The following PLD1 variants were observed in gnomAD, a reference collection of about 807,000 sequenced individuals.
PLD1 encodes the protein choline phosphatase 1.
Under a neutral mutation model 137.1 loss-of-function variants are expected in PLD1, and 112 were observed. That is an observed-to-expected ratio of 0.82 (90% CI 0.70 to 0.96). The LOEUF (loss-of-function observed/expected upper bound fraction) is 0.96. Ranked by LOEUF, PLD1 falls within the 40% of genes least tolerant of loss-of-function variation. PLD1 has a pLI of 0.00. For missense variants in PLD1, 1,321 were observed against 1,342.0 expected (o/e 0.98, Z 0.24); for synonymous variants, 431 against 454.7 (o/e 0.95, Z 0.66).
At chr3:171,697,304 G>C (rs578034020) in intron 12 of PLD1, among the ~76,000 whole-genome samples, 3 of 145,748 alleles carry the variant, frequency 2.1e-5, no homozygotes, top group Non-Finnish European at 4.5e-5. Flanking sequence ...GAGTGCAGTG[G>C]CACAATCTCG....
At chr3:171,707,803 G>A (rs975166120) in intron 11 of PLD1, among the ~76,000 whole-genome samples, 3 of 152,152 alleles carry the variant, frequency 2.0e-5, no homozygotes, top group African/African-American at 7.2e-5. Context: ...GAATTATCTA[G>A]CCCCAAATGT....
intron 1 of PLD1, among the ~76,000 whole-genome samples, chr3:171,799,573 G>A (rs998429679): frequency 1.3e-5 from 2 of 152,000 alleles, no homozygotes; most frequent in African/African-American, 4.8e-5. Flanking sequence ...CCCCTCTCTA[G>A]GAGGTACAGC....
intron 1 of PLD1, among the ~76,000 whole-genome samples, chr3:171,755,404 T>G (rs890446943): frequency 2.6e-5 from 4 of 152,086 alleles, no homozygotes; most frequent in Non-Finnish European, 5.9e-5. Context: ...CACTTAATCT[T>G]TCTGTTGCAC....
intron 8 of PLD1, among the ~76,000 whole-genome samples, chr3:171,717,432 A>T (rs1717763666): frequency 6.6e-6 from 1 of 152,158 alleles, no homozygotes; most frequent in Non-Finnish European, 1.5e-5. Flanking sequence ...CTCCCTAGTC[A>T]GCTGAATTCC....
chr3:171,611,264 G>A (rs1227758583), intron 25 of PLD1, among the ~76,000 whole-genome samples: 1 of 152,216 alleles, frequency 6.6e-6, no homozygotes, highest in Admixed American at 6.5e-5. Flanking sequence ...TAGTCAGGGT[G>A]TTCCACAGCC....
chr3:171,622,260 C>T (rs1363149634), intron 23 of PLD1, among the ~76,000 whole-genome samples: 1 of 152,100 alleles, frequency 6.6e-6, no homozygotes, highest in Non-Finnish European at 1.5e-5. Context: ...GCACAAAGAC[C>T]ACCTCTATGG....
intron 5 of PLD1, among the ~76,000 whole-genome samples, 162 bp downstream of exon 5, chr3:171,734,703 G>A (rs917658876): frequency 2.0e-5 from 3 of 152,196 alleles, no homozygotes; most frequent in African/African-American, 7.2e-5. Context: ...CTTGGGGAAA[G>A]AAGGGACTGC....
chr3:171,789,795 T>C (rs1386158383), intron 1 of PLD1: 2 of 152,356 alleles, frequency 1.3e-5, no homozygotes, highest in African/African-American at 4.8e-5. Flanking sequence ...CATCACTCAC[T>C]TGCTGCCAGA....
At chr3:171,657,609 T>G (rs1358018232) in intron 21 of PLD1, among the ~76,000 whole-genome samples, 1 of 152,144 alleles carries the variant, frequency 6.6e-6, no homozygotes. Context: ...AATAAAAAGT[T>G]GGGCCCCTAA....
intron 1 of PLD1, among the ~76,000 whole-genome samples, chr3:171,800,278 G>A (rs185657508): frequency 3.3e-5 from 5 of 151,928 alleles, no homozygotes; most frequent in African/African-American, 9.7e-5. Context: ...GCGTGATCTC[G>A]GCTCACTGCA....
chr3:171,728,592 C>T (rs796629178), intron 6 of PLD1, among the ~76,000 whole-genome samples: 9 of 152,262 alleles, frequency 5.9e-5, no homozygotes, highest in African/African-American at 2.2e-4. Context: ...AGAGGCATAA[C>T]TAACTTATGC....
chr3:171,791,346 G>A (rs933394308), intron 1 of PLD1, among the ~76,000 whole-genome samples: 4 of 152,056 alleles, frequency 2.6e-5, no homozygotes, highest in African/African-American at 7.2e-5. Context: ...TTTTTTTGCC[G>A]AATGCAAACC....
intron 1 of PLD1, among the ~76,000 whole-genome samples, chr3:171,776,250 G>C (rs1027757945): frequency 6.6e-6 from 1 of 152,178 alleles, no homozygotes; most frequent in African/African-American, 2.4e-5. Context: ...TGGAGCTGTA[G>C]TCATGGGCAC....
chr3:171,745,689 G>A (rs1319535778), intron 1 of PLD1, among the ~76,000 whole-genome samples: 1 of 152,182 alleles, frequency 6.6e-6, no homozygotes, highest in African/African-American at 2.4e-5. Flanking sequence ...AGGAGTACAG[G>A]GAAGCAAGTC....
chr3:171,757,056 A>C (rs1261242099), intron 1 of PLD1, among the ~76,000 whole-genome samples: 5 of 152,212 alleles, frequency 3.3e-5, no homozygotes, highest in African/African-American at 4.8e-5. Context: ...GGCAAAAACC[A>C]TTTTTACATT....
At chr3:171,797,959 C>T (rs2108356476) in intron 1 of PLD1, among the ~76,000 whole-genome samples, 1 of 152,168 alleles carries the variant, frequency 6.6e-6, no homozygotes, top group East Asian at 1.9e-4. Context: ...AACTCATTTT[C>T]CATTTTTCTA....
At chr3:171,771,520 ACT>A (rs1722350963) in intron 1 of PLD1, 1 of 152,276 alleles carries the variant, frequency 6.6e-6, no homozygotes, top group African/African-American at 2.4e-5. Flanking sequence ...TTCAGGCTGC[ACT>A]TTTGTACTTG....
At chr3:171,662,426 T>G (rs1437563769) in intron 19 of PLD1, among the ~76,000 whole-genome samples, 1 of 152,156 alleles carries the variant, frequency 6.6e-6, no homozygotes, top group Non-Finnish European at 1.5e-5. Context: ...TATACCCTCT[T>G]TCATCCAGGA....
intron 21 of PLD1, among the ~76,000 whole-genome samples, chr3:171,658,746 T>TA (rs145230985): frequency 0.013 from 1,969 of 152,258 alleles, 40 homozygotes; most frequent in African/African-American, 0.041. Flanking sequence ...GTGAATACAC[T>TA]AAAAATCACT....
Sources: allele counts gnomAD v4.1 joint callset (sites outside exome capture counted in the v4.1 genomes callset), GRCh38; gene constraint gnomAD v4.1.1; transcripts MANE v1.5; gene names NCBI Gene and HGNC (gene_info 2026-07-23, HGNC 2026-07-21).